SMG9: variants seen among roughly 807,000 people sequenced by gnomAD.
SMG9 encodes SMG9 nonsense mediated mRNA decay factor.
A neutral mutation model predicts 64.0 loss-of-function variants in SMG9; 55 were observed. That is an observed-to-expected ratio of 0.86 (90% CI 0.69 to 1.08). SMG9 has a LOEUF of 1.08. Among genes scored for constraint, SMG9 ranks in the 50% least tolerant of loss-of-function variants. SMG9 has a pLI of 0.00. For missense variants in SMG9, 554 were observed against 681.3 expected (o/e 0.81, Z 2.08); for synonymous variants, 244 against 254.8 (o/e 0.96, Z 0.41).
Position 43,733,664 on chromosome 19 carries a change from A to G in SMG9, c.1172T>C (p.Ile391Thr), listed in dbSNP as rs1209068341. Residue 391 changes from isoleucine to threonine, a missense_variant, in exon 11 of 14, where the codon ATT becomes ACT. Physicochemically the swap from Ile to Thr is moderately conservative, Grantham distance 89. Coordinates refer to ENST00000270066, the MANE Select transcript of SMG9 (RefSeq NM_019108.4). ...PRKLRQMHLM[I>T]DQLMAHSHLR... is the part of the protein sequence containing the mutation. ...GTGGGAGTGGGCCATGAGCTGGTCAATCATCAGGTGCATCTGCCGCAGCTT... is the reference window on the plus strand; with the variant it reads ...GTGGGAGTGGGCCATGAGCTGGTCAGTCATCAGGTGCATCTGCCGCAGCTT... The G allele has an allele frequency of 3.1e-6, 5 of 1,613,990 alleles. No individual in the cohort carries two copies. Among genetic ancestry groups the G allele is most frequent in the Non-Finnish European group, 2.5e-6 (3 of 1,180,020 alleles).
chr19:43,752,617 G>A (rs1969222920), intron 1 of SMG9, among the ~76,000 whole-genome samples: 1 of 152,154 alleles, frequency 6.6e-6, no homozygotes, highest in Non-Finnish European at 1.5e-5. Flanking sequence ...TTACTGAATG[G>A]CCGAGTATGG....
At chr19:43,753,750 C>T (rs892658798) in intron 1 of SMG9, among the ~76,000 whole-genome samples, 1 of 151,992 alleles carries the variant, frequency 6.6e-6, no homozygotes, top group Admixed American at 6.6e-5. Flanking sequence ...GGTAAGCCAC[C>T]GCACCTGGCC....
In SMG9 at chr19:43,750,689, C is replaced by T. The variant is rs776390143; in HGVS notation, c.53G>A (p.Arg18Gln). 2.2e-5 allele frequency: 35 copies of T among 1,613,818 alleles called. No homozygotes were observed. Among genetic ancestry groups the T allele is most frequent in the Admixed American group, 1.5e-4 (9 of 60,008 alleles). Reference sequence around the variant, plus strand: ...ACCAGAGCCAGGCTCCTTCCACCGTCGCCGCCGCTCTATCCCATAGAGTCC... The same window carrying T: ...ACCAGAGCCAGGCTCCTTCCACCGTTGCCGCCGCTCTATCCCATAGAGTCC... ...QPGLYGIERR[R>Q]RWKEPGSGGP... The change falls in exon 2 of 14, where the codon CGA (arginine) becomes CAA (glutamine). Residue 18 changes from arginine (R) to glutamine (Q), a missense_variant. Coordinates refer to ENST00000270066, the MANE Select transcript of SMG9 (RefSeq NM_019108.4).
chr19:43,737,717 C>A, intron 8 of SMG9, 35 bp from the exon 9 acceptor site: 1 of 1,603,552 alleles, frequency 6.2e-7, no homozygotes, highest in Non-Finnish European at 8.5e-7. Context: ...AGGTGAGGAC[C>A]TCTTCTGCCC....
chr19:43,739,730 C>A, intron 7 of SMG9: 1 of 215,722 alleles, frequency 4.6e-6, no homozygotes, highest in Non-Finnish European at 9.5e-6. Flanking sequence ...ATCCTTGAAA[C>A]TCCTAAGAGG....
intron 2 of SMG9, among the ~76,000 whole-genome samples, chr19:43,749,999 T>C (rs970385738): frequency 8.5e-5 from 13 of 152,230 alleles, no homozygotes; most frequent in African/African-American, 3.1e-4. Flanking sequence ...ACCCAAAGGA[T>C]GTAAAAGACT....
At chr19:43,750,450 T>C in intron 2 of SMG9, 142 bp downstream of exon 2, 1 of 1,001,852 alleles carries the variant, frequency 1.0e-6, no homozygotes, top group South Asian at 1.6e-5. Context: ...GTCTCCTTTA[T>C]CACTCTCCAC....
chr19:43,753,340 C>T (rs1418721351), intron 1 of SMG9, among the ~76,000 whole-genome samples: 3 of 152,124 alleles, frequency 2.0e-5, no homozygotes, highest in Admixed American at 6.6e-5. Flanking sequence ...CTACCCAGTG[C>T]TTAAGTACTT....
At chr19:43,732,172 G>A in intron 13 of SMG9, 1 of 162,546 alleles carries the variant, frequency 6.2e-6, no homozygotes, top group South Asian at 1.7e-4. Context: ...CTGCACTCCT[G>A]ACCCCTTCCA....
At chr19:43,733,756 CCT>C in intron 10 of SMG9, 23 bp from the exon 11 acceptor site, 1 of 1,598,984 alleles carries the variant, frequency 6.3e-7, no homozygotes, top group Non-Finnish European at 8.6e-7. Flanking sequence ...AGAGACGGGC[CCT>C]GTCAGGCAGA....
At position 43,734,443 on chromosome 19, in the gene SMG9, C is replaced by T. The variant is rs867277441; in HGVS notation, c.1048G>A (p.Glu350Lys). The T allele has an allele frequency of 1.3e-6, 2 of 1,564,026 alleles. No individual in the cohort carries two copies. The highest frequency in any genetic ancestry group is 1.4e-5 in the African/African-American group (1 of 73,842). ...VKPSTPSPSH[E>K]SSSSSGSDEG... is the part of the protein sequence containing the mutation. ...TCGGAGCCCGATGAGCTGCTGGACT[C>T]GTGGCTGGGGGATGGGGTGGAGGGC... Residue 350 changes from glutamate to lysine, a missense_variant, in exon 10 of 14, where the codon GAG becomes AAG. Coordinates refer to ENST00000270066, the MANE Select transcript of SMG9 (RefSeq NM_019108.4).
At chr19:43,751,063 G>C (rs1262917624) in intron 1 of SMG9, among the ~76,000 whole-genome samples, 3 of 148,842 alleles carry the variant, frequency 2.0e-5, no homozygotes, top group African/African-American at 7.4e-5. Flanking sequence ...GACCTCAGGT[G>C]ATGCACCTAC....
chr19:43,748,589 T>C (rs778976402), intron 2 of SMG9: 48 of 509,164 alleles, frequency 9.4e-5, no homozygotes, highest in Non-Finnish European at 1.5e-4. Flanking sequence ...GCACTTGCTA[T>C]CCTGATCACC....
chr19:43,736,940 G>A (rs1968689131), intron 9 of SMG9, among the ~76,000 whole-genome samples: 1 of 152,170 alleles, frequency 6.6e-6, no homozygotes, highest in South Asian at 2.1e-4. Context: ...CAGAGGTCCT[G>A]GGCTGCAGGA....
chr19:43,732,039 C>T (rs1968502447), intron 13 of SMG9, among the ~76,000 whole-genome samples: 1 of 152,230 alleles, frequency 6.6e-6, no homozygotes, highest in South Asian at 2.1e-4. Flanking sequence ...AGCTGCACAA[C>T]CCACAATCTT....
At chr19:43,744,682 G>T in intron 6 of SMG9, 90 bp downstream of exon 6, 1 of 869,246 alleles carries the variant, frequency 1.2e-6, no homozygotes. Flanking sequence ...AAGTCCTTTG[G>T]TAACACCACT....
chr19:43,731,073 C>T lies in SMG9; in HGVS notation c.*523G>A, dbSNP rs941959113. On this transcript the variant is annotated 3_prime_UTR_variant, in exon 14 of 14. Transcript: ENST00000270066. ...TAGCAGAGACTGATCTCCATCTGCC[C>T]GCAAGGGCTGGGTGTCCAATTTGTC... 2.8e-5 allele frequency: 27 copies of T among 977,432 alleles called. No individual in the cohort carries two copies. Among genetic ancestry groups the T allele is most frequent in the Non-Finnish European group, 3.2e-5 (26 of 822,700 alleles). The allele number at this position is 977,432 out of a possible 1,614,324, so 60.5% of individuals were successfully genotyped here.
At chr19:43,753,776 T>C (rs1353802240) in intron 1 of SMG9, among the ~76,000 whole-genome samples, 1 of 152,064 alleles carries the variant, frequency 6.6e-6, no homozygotes, top group African/African-American at 2.4e-5. Flanking sequence ...GTGCCCTTTA[T>C]TCTGGGAGCT....
intron 10 of SMG9, chr19:43,733,999 C>T (rs1376571649): frequency 8.9e-6 from 5 of 558,930 alleles, no homozygotes; most frequent in East Asian, 2.9e-5. Context: ...AAGAGTAGAG[C>T]GGAGAAAGGA....
Sources: gnomAD v4.1 joint callset for allele counts (sites outside exome capture counted in the v4.1 genomes callset) on GRCh38, gnomAD v4.1.1 for gene constraint, MANE v1.5 for transcripts, NCBI Gene and HGNC (gene_info 2026-07-23, HGNC 2026-07-21) for gene names.